Variants in STARD13 observed in about 807,000 individuals in gnomAD.
STARD13 encodes StAR related lipid transfer domain containing 13, also known as stAR-related lipid transfer protein 13.
Under a neutral mutation model 106.4 loss-of-function variants are expected in STARD13, and 62 were observed. The ratio of observed to expected loss-of-function variants is 0.58; its 90% CI spans 0.48 to 0.72. The LOEUF (loss-of-function observed/expected upper bound fraction) is 0.72, where lower values mean the gene tolerates loss of function less well. Ranked by LOEUF, STARD13 falls within the 30% of genes least tolerant of loss-of-function variation. The pLI, the probability that STARD13 is intolerant of heterozygous loss-of-function variation, is 0.00. For synonymous variants in STARD13, 565 were observed against 553.0 expected, an observed-to-expected ratio of 1.02 and a Z score of -0.31; for missense variants, 1,387 against 1,424.0, an observed-to-expected ratio of 0.97 and a Z score of 0.42.
At chr13:33,628,004 T>C in the STARD13 span, among the ~76,000 whole-genome samples, 1 of 151,564 alleles carries the variant, frequency 6.6e-6, no homozygotes, top group Non-Finnish European at 1.5e-5. Flanking sequence ...CTCGCTCTGT[T>C]GCCAGGCTGG....
At chr13:33,345,697 A>G (rs994695790), downstream of STARD13, among the ~76,000 whole-genome samples, 2 of 152,218 alleles carry the variant, frequency 1.3e-5, no homozygotes, top group Non-Finnish European at 2.9e-5. Context: ...AGCTCCCAAT[A>G]TAAGTTCTTC....
At chr13:33,515,794 T>G in the STARD13 span, among the ~76,000 whole-genome samples, 1 of 151,992 alleles carries the variant, frequency 6.6e-6, no homozygotes, top group African/African-American at 2.4e-5. Flanking sequence ...ATAATGAGAG[T>G]AATGGGCTGA....
In STARD13 at chr13:33,118,193, G is replaced by A. The variant is rs752763592; in HGVS notation, c.2153C>T (p.Pro718Leu). 3.7e-6 allele frequency: 6 copies of A among 1,614,192 alleles called. No individual in the cohort carries two copies. Among genetic ancestry groups the A allele is most frequent in the Non-Finnish European group, 5.1e-6 (6 of 1,180,032 alleles). Residue 718 changes from proline to leucine, a missense_variant, in exon 8 of 14, where the codon CCT becomes CTT. Transcript: ENST00000336934. ...HALRQMNENF[P>L]ENVNYEDQSA... ...CTGGTCTTCATAGTTGACGTTCTCA[G>A]GGAAGTTTTCATTCATTTGGCGAAG... is the stretch of plus-strand genomic sequence containing the variant.
At chr13:33,663,548 G>A in the STARD13 span, among the ~76,000 whole-genome samples, 1 of 152,142 alleles carries the variant, frequency 6.6e-6, no homozygotes, top group Non-Finnish European at 1.5e-5. Context: ...AATAAGAGTA[G>A]TGCAAATTAT....
At position 33,129,665 on chromosome 13, in the gene STARD13, G is replaced by A; in HGVS notation, c.1012C>T (p.His338Tyr). 6.2e-7 allele frequency: 1 copy of A among 1,613,972 alleles called. No individual in the cohort carries two copies. Among genetic ancestry groups the A allele is most frequent in the Non-Finnish European group, 8.5e-7 (1 of 1,180,030 alleles). The change falls in exon 5 of 14, where the codon CAC becomes TAC. Residue 338 changes from histidine to tyrosine, a missense_variant. Coordinates refer to ENST00000336934, the MANE Select transcript of STARD13 (RefSeq NM_178006.4). Reference sequence around the variant, plus strand: ...GGCGTGCTCACCCCGCTGCTGCTGTGCTCCGACGGGCTGCTCTCGCCACTC... The same window carrying A: ...GGCGTGCTCACCCCGCTGCTGCTGTACTCCGACGGGCTGCTCTCGCCACTC... ...KSSGESSPSEHSSSGVSTPCL... is the reference protein window; with the variant it reads ...KSSGESSPSEYSSSGVSTPCL...
At chr13:33,309,466 G>T (rs940294960) in intron 1 of STARD13, among the ~76,000 whole-genome samples, 3 of 152,186 alleles carry the variant, frequency 2.0e-5, no homozygotes, top group Non-Finnish European at 4.4e-5. Context: ...CAGGATGAAG[G>T]TCAAGATCAA....
intron 1 of STARD13, among the ~76,000 whole-genome samples, chr13:33,209,713 G>A (rs865912124): frequency 1.2e-4 from 18 of 152,084 alleles, no homozygotes; most frequent in Admixed American, 9.2e-4. Flanking sequence ...TGGCTCACGT[G>A]CACTCCCAAC....
At chr13:33,266,298 T>G (rs966048091) in intron 1 of STARD13, among the ~76,000 whole-genome samples, 1 of 152,258 alleles carries the variant, frequency 6.6e-6, no homozygotes, top group Non-Finnish European at 1.5e-5. Context: ...ATTGATCATG[T>G]TTAGGCAGGG....
upstream of STARD13, among the ~76,000 whole-genome samples, chr13:33,354,754 T>C (rs1345219296): frequency 6.6e-6 from 1 of 151,890 alleles, no homozygotes; most frequent in Non-Finnish European, 1.5e-5. Context: ...TTTTCTTATA[T>C]AATATTTATT....
At chr13:33,182,500 C>T (rs1490015910) in intron 1 of STARD13, among the ~76,000 whole-genome samples, 2 of 152,124 alleles carry the variant, frequency 1.3e-5, no homozygotes, top group African/African-American at 4.8e-5. Context: ...CAGAAGTGTC[C>T]AATCTTTTGG....
intron 6 of STARD13, among the ~76,000 whole-genome samples, chr13:33,126,837 A>G (rs1435968600): frequency 1.3e-5 from 2 of 150,982 alleles, no homozygotes; most frequent in Non-Finnish European, 2.9e-5. Flanking sequence ...ATTTTTTCAA[A>G]CCCACCAAAT....
At chr13:33,560,310 G>A in the STARD13 span, among the ~76,000 whole-genome samples, 3 of 151,544 alleles carry the variant, frequency 2.0e-5, no homozygotes, top group Non-Finnish European at 2.9e-5. Flanking sequence ...TACATAGGTT[G>A]TAAGTTTAAA....
chr13:33,639,225 G>T, the STARD13 span, among the ~76,000 whole-genome samples: 1 of 152,156 alleles, frequency 6.6e-6, no homozygotes, highest in African/African-American at 2.4e-5. Context: ...GCTTAAGTTC[G>T]AGTGGTCTGA....
rs1008480692 is a variant in STARD13 at position 33,126,210 on chromosome 13, T to G, written c.1953A>C (p.Lys651Asn). 1 of 1,614,170 alleles carries G rather than the reference T, an allele frequency of 6.2e-7. No homozygotes were observed. Among genetic ancestry groups the G allele is most frequent in the African/African-American group, 1.3e-5 (1 of 75,026 alleles). ...CAGCCTTGTCTTTGTAGTCGGGAAC[T>G]TTCATCCTCTTCATGAACTTTGGAA... ...WSVPKFMKRM[K>N]VPDYKDKAVF... is the part of the protein sequence containing the mutation. Residue 651 changes from lysine (K) to asparagine (N), a missense_variant, in exon 7 of 14, where the codon AAA becomes AAC. Transcript: ENST00000336934.
At chr13:33,352,288 A>C (rs570505341), upstream of STARD13, among the ~76,000 whole-genome samples, 23 of 152,352 alleles carry the variant, frequency 1.5e-4, no homozygotes, top group East Asian at 3.9e-4. Flanking sequence ...TGTTGTCTTA[A>C]AGTGGCTGCT....
chr13:33,664,211 C>T, the STARD13 span, among the ~76,000 whole-genome samples: 215 of 152,308 alleles, frequency 1.4e-3, 1 homozygote, highest in African/African-American at 4.9e-3. Flanking sequence ...ATTCAGCGAA[C>T]CTGCTCGGGG....
chr13:33,672,816 A>G, the STARD13 span, among the ~76,000 whole-genome samples: 2 of 152,242 alleles, frequency 1.3e-5, no homozygotes, highest in African/African-American at 4.8e-5. Flanking sequence ...TTTCGACTAA[A>G]TAACATGCTA....
the STARD13 span, chr13:33,524,157 G>A: frequency 1.3e-6 from 1 of 785,530 alleles, no homozygotes; most frequent in Non-Finnish European, 1.7e-6. Context: ...ACACAGTGCT[G>A]TTTTTACCTT....
At chr13:33,143,373 T>C (rs1267018805) in intron 3 of STARD13, among the ~76,000 whole-genome samples, 1 of 151,946 alleles carries the variant, frequency 6.6e-6, no homozygotes, top group African/African-American at 2.4e-5. Context: ...TAAGTAGAAT[T>C]ATATAGTATG....
Sources: allele counts gnomAD v4.1 joint callset (sites outside exome capture counted in the v4.1 genomes callset), GRCh38; gene constraint gnomAD v4.1.1; transcripts MANE v1.5; gene names NCBI Gene and HGNC (gene_info 2026-07-23, HGNC 2026-07-21).